Variants in INPPL1 observed in about 807,000 individuals in gnomAD.
INPPL1 encodes the protein phosphatidylinositol 3,4,5-trisphosphate 5-phosphatase 2.
INPPL1 carries 91 observed loss-of-function variants against 139.3 expected under a neutral mutation model. That is an observed-to-expected ratio of 0.65 (90% confidence interval 0.55 to 0.78). INPPL1 has a LOEUF of 0.78. Among genes scored for constraint, INPPL1 ranks in the 30% least tolerant of loss-of-function variants. The probability of loss-of-function intolerance (pLI) is 0.00; values close to 1 mark genes in which losing one functional copy is unlikely to be tolerated. For missense variants in INPPL1, 1,411 were observed against 1,665.6 expected, an observed-to-expected ratio of 0.85 and a Z score of 2.66; for synonymous variants, 719 against 686.6, an observed-to-expected ratio of 1.05 and a Z score of -0.74.
At chr11:72,227,982 T>G (rs1591270473) in intron 1 of INPPL1, 3 of 391,596 alleles carry the variant, frequency 7.7e-6, no homozygotes, top group South Asian at 4.5e-5. Flanking sequence ...GAGACGGGGG[T>G]GTTCTGGTCA....
chr11:72,230,238 C>T lies in INPPL1; in HGVS notation c.1057C>T (p.Gln353Ter). 1 of 1,609,790 alleles carries T rather than the reference C, an allele frequency of 6.2e-7. No individual in the cohort carries two copies. The highest frequency in any genetic ancestry group is 8.5e-7 in the Non-Finnish European group (1 of 1,177,270). The change falls in exon 9 of 28, where the codon CAG becomes TAG. Residue 353 changes from glutamine to a stop codon, truncating the protein, a stop_gained. Coordinates refer to ENST00000298229, the MANE Select transcript of INPPL1 (RefSeq NM_001567.4). LOFTEE classifies it high-confidence loss of function. Reference sequence around the variant, plus strand: ...GCTGCTGCGGAGACAGCGGGACTCCCAGGAGGACTGGACCACCTTCACGCA... The same window carrying T: ...GCTGCTGCGGAGACAGCGGGACTCCTAGGAGGACTGGACCACCTTCACGCA... ...LVLLRRQRDS[Q>*]EDWTTFTHDR... is the part of the protein sequence containing the mutation.
In INPPL1 at chr11:72,228,353, G is replaced by T. The variant is rs531123246; in HGVS notation, c.252G>T (p.Ser84=). 4 of 1,613,574 alleles carry T rather than the reference G, an allele frequency of 2.5e-6. No individual in the cohort carries two copies. The highest frequency in any genetic ancestry group is 2.2e-5 in the East Asian group (1 of 44,868). ...CCACCCTTGCTGGCCCACAGACCTC[G>T]CAGGGTGTGCCTGTGCGCCGCTTCC... is the stretch of plus-strand genomic sequence containing the variant. ...DGEDFLAVQT[S]QGVPVRRFQT... is the part of the protein sequence containing the mutation. The change falls in exon 3 of 28, where the codon TCG becomes TCT. Residue 84 remains serine (S), a synonymous_variant. Coordinates refer to ENST00000298229, the MANE Select transcript of INPPL1 (RefSeq NM_001567.4). This position sits in a 1 kb window ranked among gnomAD's most constrained non-coding sequence, Gnocchi z 5.0.
intron 27 of INPPL1, 43 bp from the exon 28 acceptor site, chr11:72,238,220 A>T: frequency 1.2e-6 from 2 of 1,613,262 alleles, no homozygotes; most frequent in Middle Eastern, 1.7e-4. Context: ...GGCCCTCAGG[A>T]TCCCCTTGCC....
intron 12 of INPPL1, 139 bp from the exon 13 acceptor site, chr11:72,231,359 C>A: frequency 1.1e-6 from 1 of 910,830 alleles, no homozygotes; most frequent in Non-Finnish European, 1.7e-6. Flanking sequence ...CGAGAGGAAC[C>A]ATTTCTCTCC....
At chr11:72,224,742 C>A (rs947360438), upstream of INPPL1, 1 of 162,846 alleles carries the variant, frequency 6.1e-6, no homozygotes, top group African/African-American at 2.4e-5. Context: ...CCTGCCCCTC[C>A]CCCGCCGCCT....
At chr11:72,224,617 G>A (rs1948612746), upstream of INPPL1, among the ~76,000 whole-genome samples, 1 of 149,356 alleles carries the variant, frequency 6.7e-6, no homozygotes, top group Non-Finnish European at 1.5e-5. Flanking sequence ...GGGAGGTCCC[G>A]GGCCCTTCGG....
chr11:72,236,747 G>GAT (rs1463136995), intron 25 of INPPL1, among the ~76,000 whole-genome samples: 1 of 152,220 alleles, frequency 6.6e-6, no homozygotes, highest in Non-Finnish European at 1.5e-5. Flanking sequence ...CTCTGAGAAA[G>GAT]ATTCTGCAGC....
chr11:72,226,215 C>G (rs1410084029), intron 1 of INPPL1, among the ~76,000 whole-genome samples: 2 of 141,686 alleles, frequency 1.4e-5, no homozygotes, highest in Admixed American at 7.3e-5. Context: ...GAGTCTCGCT[C>G]TGTTGCCCAG....
rs1308805329 is a variant in INPPL1, at chr11:72,238,173, C to T, written c.3684C>T (p.Leu1228=). 1.2e-6 allele frequency: 2 copies of T among 1,604,248 alleles called. No individual in the cohort carries two copies. The highest frequency in any genetic ancestry group is 8.5e-7 in the Non-Finnish European group (1 of 1,175,550). ...VHNGWDDLEF[L]SDITEEDLEE... ...ATGGCTGGGACGACCTGGAGTTTCT[C>T]AGGTGGGGGAGGGGCTGGCCCCGGG... is the stretch of plus-strand genomic sequence containing the variant. The change falls in exon 27 of 28, where the codon CTC becomes CTT. Residue 1228 remains leucine, a splice_region_variant and synonymous_variant. Transcript: ENST00000298229.
Position 72,238,897 on chromosome 11 carries a change from TG to T in INPPL1, c.*548del. 1 of 152,408 alleles carries T rather than the reference TG, an allele frequency of 6.6e-6. No homozygotes were observed. Among genetic ancestry groups the T allele is most frequent in the Non-Finnish European group, 1.5e-5 (1 of 68,128 alleles). The allele number at this position is 152,408 out of a possible 1,614,324, so 9.4% of individuals were successfully genotyped here. On this transcript the variant is annotated 3_prime_UTR_variant, in exon 28 of 28. Transcript: ENST00000298229. ...TTAATATTATTGGGGTTGGTTGGGGTGGGGCAGGATCTCAGCCATAAAGTGC... is the reference window on the plus strand; with the variant it reads ...TTAATATTATTGGGGTTGGTTGGGGTGGGCAGGATCTCAGCCATAAAGTGC...
chr11:72,229,585 G>A (rs377498321), intron 6 of INPPL1, 27 bp downstream of exon 6: 79 of 1,612,908 alleles, frequency 4.9e-5, no homozygotes, highest in Non-Finnish European at 6.4e-5. Context: ...CCTCTGGGAG[G>A]TGCGTTCGTG....
At position 72,238,236 on chromosome 11, in the gene INPPL1, C is replaced by G. The variant is rs1019710167; in HGVS notation, c.3687-27C>G. ...GCCCTCAGGATCCCCTTGCCCATCT[C>G]ACTTCCCAGCCTGTTTTACTCCACA... On this transcript the variant is annotated intron_variant, in intron 27 of 27. Transcript: ENST00000298229. 1.9e-6 allele frequency: 3 copies of G among 1,613,536 alleles called. No individual in the cohort carries two copies. The Admixed American group carries it at 5.0e-5, about 27-fold the overall frequency.
At chr11:72,238,217 A>G (rs1949055154) in intron 27 of INPPL1, 42 bp downstream of exon 27, 1 of 1,613,084 alleles carries the variant, frequency 6.2e-7, no homozygotes, top group South Asian at 1.1e-5. Context: ...TGGGGCCCTC[A>G]GGATCCCCTT....
chr11:72,237,158 G>T lies in INPPL1; in HGVS notation c.2914G>T (p.Val972Leu). Residue 972 changes from valine (V) to leucine (L), a missense_variant, in exon 26 of 28, where the codon GTG becomes TTG. By Grantham distance (32) the Val-to-Leu change is conservative. Around this residue, in one of 5 missense-constraint regions of INPPL1, gnomAD observed 438 missense variants for 425.7 expected, o/e 1.03. Coordinates refer to ENST00000298229, the MANE Select transcript of INPPL1 (RefSeq NM_001567.4). Reference protein sequence around the residue: ...KPEGAPEPEGVAAPPPKNSFN... With the variant: ...KPEGAPEPEGLAAPPPKNSFN... Reference sequence around the variant, plus strand: ...AGAGGGAGCTCCTGAACCAGAAGGGGTGGCGGCCCCCCCACCCAAGAACAG... The same window carrying T: ...AGAGGGAGCTCCTGAACCAGAAGGGTTGGCGGCCCCCCCACCCAAGAACAG... The T allele has an allele frequency of 6.2e-7, 1 of 1,601,044 alleles. No homozygotes were observed. The highest frequency in any genetic ancestry group is 1.7e-5 in the Admixed American group (1 of 59,362).
At chr11:72,224,138 C>T (rs1478389331), upstream of INPPL1, among the ~76,000 whole-genome samples, 1 of 151,994 alleles carries the variant, frequency 6.6e-6, no homozygotes, top group African/African-American at 2.4e-5. Flanking sequence ...GGAGGGGCTG[C>T]GTGAGAGGCT....
At position 72,237,709 on chromosome 11, in the gene INPPL1, C is replaced by T. The variant is rs774214609; in HGVS notation, c.3465C>T (p.Pro1155=). Residue 1155 remains proline (P), a synonymous_variant, in exon 26 of 28, where the codon CCC becomes CCT. Transcript: ENST00000298229. ...LLPGPLELQP[P]RGLPSDYGRP... is the part of the protein sequence containing the mutation. ...CAGGCCCCCTGGAGCTGCAGCCCCC[C>T]CGGGGACTGCCCTCGGACTATGGCC... 4 of 1,611,612 alleles carry T rather than the reference C, an allele frequency of 2.5e-6. No homozygotes were observed. The highest frequency in any genetic ancestry group is 1.1e-5 in the South Asian group (1 of 90,810).
intron 1 of INPPL1, chr11:72,225,593 C>G: frequency 6.4e-6 from 6 of 930,750 alleles, no homozygotes; most frequent in Non-Finnish European, 7.7e-6. Flanking sequence ...TGTGGGGATG[C>G]CTGGCAGCTT....
chr11:72,228,024 G>C lies in INPPL1; in HGVS notation c.183-166G>C. On this transcript the variant is annotated intron_variant, in intron 1 of 27. Transcript: ENST00000298229. The surrounding 1 kb of genome is among the most constrained non-coding windows in gnomAD (Gnocchi z 5.0). ...CCCAATAGGCAACACCAGGAGGGTG[G>C]AAGTGGACCGGCCACATCATTAACC... The C allele has an allele frequency of 3.0e-6, 2 of 674,878 alleles. No homozygotes were observed. The highest frequency in any genetic ancestry group is 3.4e-5 in the South Asian group (2 of 58,180). 41.8% of individuals were successfully genotyped at this position (674,878 alleles called of 1,614,324 possible).
At position 72,230,824 on chromosome 11, in the gene INPPL1, A is replaced by G. The variant is rs1172914683; in HGVS notation, c.1226A>G (p.Gln409Arg). 5 of 1,613,904 alleles carry G rather than the reference A, an allele frequency of 3.1e-6. No homozygotes were observed. The highest frequency in any genetic ancestry group is 4.2e-6 in the Non-Finnish European group (5 of 1,179,982). The change falls in exon 11 of 28, where the codon CAG becomes CGG. Residue 409 changes from glutamine (Q) to arginine (R), a missense_variant. Coordinates refer to ENST00000298229, the MANE Select transcript of INPPL1 (RefSeq NM_001567.4). Reference protein sequence around the residue: ...RKREAFCQLLQLMKNKHSKQD... With the variant: ...RKREAFCQLLRLMKNKHSKQD... Reference sequence around the variant, plus strand: ...CGGGAGGCCTTCTGCCAGCTGTTGCAGCTCATGAAGAACAAGCACTCCAAG... The same window carrying G: ...CGGGAGGCCTTCTGCCAGCTGTTGCGGCTCATGAAGAACAAGCACTCCAAG...
Sources: allele counts gnomAD v4.1 joint callset (sites outside exome capture counted in the v4.1 genomes callset), GRCh38; gene constraint gnomAD v4.1.1; regional missense constraint gnomAD v4.1.1; non-coding constraint Gnocchi (gnomAD v3.1); transcripts MANE v1.5; gene names NCBI Gene and HGNC (gene_info 2026-07-23, HGNC 2026-07-21).